Variants in NUP160 observed in about 807,000 individuals in gnomAD.
The protein encoded by NUP160 is nucleoporin 160, also known as nuclear pore complex protein Nup160.
A neutral mutation model predicts 196.9 loss-of-function variants in NUP160; 94 were observed. That is an observed-to-expected ratio of 0.48 (90% confidence interval 0.40 to 0.57). NUP160 has a LOEUF of 0.57. Ranked by LOEUF, NUP160 falls within the 20% of genes least tolerant of loss-of-function variation. The probability of loss-of-function intolerance (pLI) is 0.00; values close to 1 mark genes in which losing one functional copy is unlikely to be tolerated. For missense variants in NUP160, 1,638 were observed against 1,748.3 expected (o/e 0.94, Z 1.13); for synonymous variants, 605 against 619.7 (o/e 0.98, Z 0.35).
At chr11:47,784,876 T>C (rs374171538) in intron 33 of NUP160, 46 bp downstream of exon 33, 2 of 1,404,670 alleles carry the variant, frequency 1.4e-6, no homozygotes, top group African/African-American at 1.4e-5. Flanking sequence ...TTATCCAGAA[T>C]GATAAAGAGT....
chr11:47,779,647 G>A (rs1408205224), intron 35 of NUP160: 20 of 497,072 alleles, frequency 4.0e-5, no homozygotes, highest in Admixed American at 1.7e-4. Flanking sequence ...AGGCAAGCAG[G>A]GTGAATATAT....
chr11:47,811,365 C>T (rs927563399), intron 17 of NUP160, among the ~76,000 whole-genome samples: 3 of 151,582 alleles, frequency 2.0e-5, no homozygotes, highest in Admixed American at 6.6e-5. Context: ...AAAAATTAGC[C>T]GGACACGGTG....
At chr11:47,793,262 G>T (rs2097668947) in intron 27 of NUP160, among the ~76,000 whole-genome samples, 2 of 152,128 alleles carry the variant, frequency 1.3e-5, no homozygotes, top group Admixed American at 1.3e-4. Flanking sequence ...TGGGATTACA[G>T]GTGTGAGCCA....
intron 18 of NUP160, 60 bp from the exon 19 acceptor site, chr11:47,807,200 C>G: frequency 9.6e-7 from 1 of 1,039,076 alleles, no homozygotes; most frequent in Non-Finnish European, 1.5e-6. Context: ...ATTACTTCTA[C>G]AAGCTCTTCT....
chr11:47,788,274 G>C, exon 31 of NUP160: 2 of 1,614,112 alleles, frequency 1.2e-6, no homozygotes, highest in Non-Finnish European at 1.7e-6. Context: ...CCTGAACCAA[G>C]AGAGTGACCA....
In NUP160 at chr11:47,782,805, C is replaced by T. The variant is rs141085815; in HGVS notation, c.4116+268G>A. Among the ~76,000 whole-genome samples the T allele has an allele frequency of 9.8e-3, 1,483 of 152,088 alleles. 62 individuals carry two copies. Among genetic ancestry groups the T allele is most frequent in the Admixed American group, 0.075 (1,142 of 15,266 alleles). On this transcript the variant is annotated intron_variant, in intron 34 of 35. Transcript: ENST00000378460. ...TCCTGAGTAGCTGGGATTACAGGTA[C>T]GTGCCACTGCATCTGGCTAATTTCT...
intron 2 of NUP160, among the ~76,000 whole-genome samples, chr11:47,844,153 C>G (rs563499497): frequency 1.3e-5 from 2 of 152,276 alleles, no homozygotes; most frequent in East Asian, 3.9e-4. Flanking sequence ...ACAATCACAA[C>G]ATTTCTCACT....
chr11:47,814,456 G>A (rs369800007), intron 13 of NUP160, among the ~76,000 whole-genome samples: 1 of 151,156 alleles, frequency 6.6e-6, no homozygotes, highest in Non-Finnish European at 1.5e-5. Context: ...CAGGAGAATC[G>A]CTTGAACTCA....
intron 2 of NUP160, among the ~76,000 whole-genome samples, chr11:47,841,873 G>C (rs1157328173): frequency 6.6e-6 from 1 of 151,962 alleles, no homozygotes; most frequent in Non-Finnish European, 1.5e-5. Flanking sequence ...TTTTTTAGTA[G>C]AGACGGGGTT....
intron 27 of NUP160, chr11:47,796,192 C>A: frequency 2.5e-6 from 1 of 401,236 alleles, no homozygotes; most frequent in South Asian, 5.0e-5. Context: ...TGCGGAAGCC[C>A]AGACACCAGG....
At chr11:47,840,738 T>A (rs1323885316) in intron 2 of NUP160, 150 bp from the exon 3 acceptor site, 1 of 557,998 alleles carries the variant, frequency 1.8e-6, no homozygotes, top group Non-Finnish European at 3.1e-6. Flanking sequence ...CCAAATCACA[T>A]TATGTACATT....
chr11:47,842,314 G>A (rs1852321478), intron 2 of NUP160, among the ~76,000 whole-genome samples: 1 of 152,066 alleles, frequency 6.6e-6, no homozygotes, highest in Admixed American at 6.6e-5. Context: ...TACCTTTTCA[G>A]CGCTGATGAT....
chr11:47,841,551 A>G, intron 2 of NUP160: 2 of 425,262 alleles, frequency 4.7e-6, no homozygotes, highest in African/African-American at 2.1e-5. Flanking sequence ...GAAAAACTGC[A>G]GCAGCAAACT....
chr11:47,804,398 T>C (rs1309184406), intron 21 of NUP160, 151 bp downstream of exon 21: 5 of 581,956 alleles, frequency 8.6e-6, no homozygotes, highest in Admixed American at 8.0e-5. Context: ...GGTATAGAAA[T>C]AGAGAACAAT....
chr11:47,785,943 T>G (rs1399747389), intron 32 of NUP160, among the ~76,000 whole-genome samples: 1 of 152,242 alleles, frequency 6.6e-6, no homozygotes, highest in African/African-American at 2.4e-5. Flanking sequence ...AGAAGGTTTC[T>G]GAAGAAGCTG....
At chr11:47,796,257 G>A in intron 27 of NUP160, 2 of 673,962 alleles carry the variant, frequency 3.0e-6, no homozygotes, top group Non-Finnish European at 2.7e-6. Flanking sequence ...GAGCACAGTA[G>A]GATCAATCAG....
exon 36 of NUP160, chr11:47,779,009 A>G (rs763786686): frequency 1.2e-6 from 1 of 808,432 alleles, no homozygotes; most frequent in Non-Finnish European, 2.2e-6. Flanking sequence ...CATCATTTAC[A>G]GTTACAAAAA....
At chr11:47,835,866 A>G in intron 6 of NUP160, 57 bp from the exon 7 acceptor site, 2 of 1,347,900 alleles carry the variant, frequency 1.5e-6, no homozygotes, top group Non-Finnish European at 1.0e-6. Flanking sequence ...CTAGAAGAAC[A>G]TACCTTTTGA....
At chr11:47,808,804 A>C (rs2097679269) in intron 17 of NUP160, among the ~76,000 whole-genome samples, 1 of 152,098 alleles carries the variant, frequency 6.6e-6, no homozygotes, top group Admixed American at 6.6e-5. Context: ...CTGTGGGTTC[A>C]GAATTAAAGA....
Sources: gnomAD v4.1 joint callset for allele counts (sites outside exome capture counted in the v4.1 genomes callset) on GRCh38, gnomAD v4.1.1 for gene constraint, MANE v1.5 for transcripts, NCBI Gene and HGNC (gene_info 2026-07-23, HGNC 2026-07-21) for gene names.